The following C2orf15 variants were observed in gnomAD, a reference collection of about 807,000 sequenced individuals.
C2orf15 encodes the protein chromosome 2 open reading frame 15.
C2orf15 carries 3 observed loss-of-function variants against 4.4 expected under a neutral mutation model. That is an observed-to-expected ratio of 0.67 (90% CI 0.31 to 1.74). The LOEUF is 1.74. C2orf15 is among the 40% of genes most tolerant of loss of function. The probability of loss-of-function intolerance (pLI) is 0.09; values close to 1 mark genes in which losing one functional copy is unlikely to be tolerated. For missense variants in C2orf15, 90 were observed against 103.3 expected (o/e 0.87, Z 0.56); for synonymous variants, 37 against 36.8 (o/e 1.00, Z -0.02).
At chr2:99,144,590 G>A (rs912162401) in intron 2 of C2orf15, among the ~76,000 whole-genome samples, 7 of 141,530 alleles carry the variant, frequency 4.9e-5, no homozygotes, top group Non-Finnish European at 9.0e-5. Flanking sequence ...CAGAGGTTGC[G>A]GTAAGCCGAG....
At chr2:99,150,016 A>G (rs533731077) in intron 3 of C2orf15, among the ~76,000 whole-genome samples, 2 of 151,038 alleles carry the variant, frequency 1.3e-5, no homozygotes, top group Non-Finnish European at 3.0e-5. Flanking sequence ...TGGTCTCTCA[A>G]TCCTAACCTT....
At chr2:99,145,211 C>T (rs2093619882) in intron 2 of C2orf15, among the ~76,000 whole-genome samples, 2 of 152,096 alleles carry the variant, frequency 1.3e-5, no homozygotes, top group Admixed American at 6.5e-5. Context: ...CCAGTCAAGT[C>T]CTCCTCACAT....
chr2:99,144,573 C>T (rs973378884), intron 2 of C2orf15, among the ~76,000 whole-genome samples: 4 of 140,982 alleles, frequency 2.8e-5, no homozygotes, highest in African/African-American at 1.0e-4. Context: ...TGCTTGAACC[C>T]GGGAGGCAGA....
At chr2:99,145,987 A>C (rs2093627898) in intron 2 of C2orf15, among the ~76,000 whole-genome samples, 1 of 152,082 alleles carries the variant, frequency 6.6e-6, no homozygotes. Context: ...TGAATTTTAA[A>C]AATTAGCCAG....
At chr2:99,146,509 ATTG>A (rs2093633701) in intron 2 of C2orf15, among the ~76,000 whole-genome samples, 1 of 151,522 alleles carries the variant, frequency 6.6e-6, no homozygotes, top group Admixed American at 6.6e-5. Flanking sequence ...TTCCTCCCTT[ATTG>A]TTTAAGCTTT....
intron 3 of C2orf15, chr2:99,148,317 G>A (rs984101584): frequency 2.0e-5 from 3 of 152,126 alleles, no homozygotes; most frequent in Non-Finnish European, 4.4e-5. Flanking sequence ...TTCCTTTGAT[G>A]AGGAAGAAAA....
At chr2:99,143,025 TC>T (rs1473151171) in intron 2 of C2orf15, among the ~76,000 whole-genome samples, 1 of 152,076 alleles carries the variant, frequency 6.6e-6, no homozygotes, top group Non-Finnish European at 1.5e-5. Context: ...TCCTTTTTTT[TC>T]CTATCAAGAA....
At chr2:99,149,826 C>T (rs1320021819) in intron 3 of C2orf15, among the ~76,000 whole-genome samples, 1 of 101,588 alleles carries the variant, frequency 9.8e-6, no homozygotes, top group Non-Finnish European at 1.9e-5. Context: ...GAGTCTCGCT[C>T]TTGTCGCCCA....
intron 3 of C2orf15, among the ~76,000 whole-genome samples, chr2:99,149,786 T>C (rs11685765): frequency 0.086 from 2,303 of 26,714 alleles, 230 homozygotes; most frequent in Middle Eastern, 0.35. Context: ...CACAAGTATC[T>C]TTTTTTTTTT....
chr2:99,145,419 C>T (rs969464214), intron 2 of C2orf15, among the ~76,000 whole-genome samples: 9 of 152,136 alleles, frequency 5.9e-5, no homozygotes, highest in Admixed American at 4.6e-4. Context: ...ATTAACTGAT[C>T]GTGGTGGCAG....
intron 2 of C2orf15, among the ~76,000 whole-genome samples, chr2:99,144,908 C>A (rs1424170316): frequency 6.6e-6 from 1 of 152,010 alleles, no homozygotes; most frequent in East Asian, 1.9e-4. Context: ...GGTCTGGGGT[C>A]GAATAAGGCA....
At chr2:99,144,969 A>C (rs185157274) in intron 2 of C2orf15, among the ~76,000 whole-genome samples, 4 of 152,328 alleles carry the variant, frequency 2.6e-5, no homozygotes, top group Admixed American at 2.6e-4. Flanking sequence ...ACGGCTGTGC[A>C]ACAATTTACC....
chr2:99,141,994 C>T (rs1025886996), intron 1 of C2orf15, 57 bp downstream of exon 1: 1 of 152,410 alleles, frequency 6.6e-6, no homozygotes, highest in African/African-American at 2.4e-5. Flanking sequence ...TTGGTCAGCT[C>T]TGCACGATCA....
rs2093643852 is a variant in C2orf15, at chr2:99,147,455, T to C, written c.-115T>C. The C allele has an allele frequency of 6.2e-7, 1 of 1,613,802 alleles. No individual in the cohort carries two copies. Among genetic ancestry groups the C allele is most frequent in the African/African-American group, 1.3e-5 (1 of 74,920 alleles). ...CAGTCCAAAGAGGCCCCCAATAGAC[T>C]TGTTCACCCTTCATGTCCTCAACTC... On this transcript the variant is annotated 5_prime_UTR_variant, in exon 3 of 4. Transcript: ENST00000650052.
At chr2:99,147,789 GTATCTATGTATC>G (rs937175559) in intron 3 of C2orf15, among the ~76,000 whole-genome samples, 20 of 107,792 alleles carry the variant, frequency 1.9e-4, no homozygotes, top group Non-Finnish European at 1.2e-4. Flanking sequence ...CTGTCTTTCT[GTATCTATGTATC>G]TATCTATCTA....
At position 99,150,482 on chromosome 2, in the gene C2orf15, G is replaced by A; in HGVS notation, c.-76-1G>A. 4 of 1,352,678 alleles carry A rather than the reference G, an allele frequency of 3.0e-6. No individual in the cohort carries two copies. Among genetic ancestry groups the A allele is most frequent in the Admixed American group, 2.5e-5 (1 of 40,540 alleles). The allele number at this position is 1,352,678 out of a possible 1,614,324, so 83.8% of individuals were successfully genotyped here. ...CTTGTTACTTTTTTTTTTTTTTTCA[G>A]TAATCAAGTTGAAGAAACACTTCCA... On this transcript the variant is annotated splice_acceptor_variant, in intron 3 of 3. Coordinates refer to ENST00000650052, the MANE Select transcript of C2orf15 (RefSeq NM_144706.4). LOFTEE classifies it low-confidence loss of function (5UTR_SPLICE).
At chr2:99,144,195 G>A (rs185361626) in intron 2 of C2orf15, among the ~76,000 whole-genome samples, 4,239 of 151,890 alleles carry the variant, frequency 0.028, 202 homozygotes, top group African/African-American at 0.097. Flanking sequence ...TAATTTTTTT[G>A]TATTTTTAGT....
chr2:99,150,167 C>T (rs1034003358), intron 3 of C2orf15, among the ~76,000 whole-genome samples: 9 of 152,098 alleles, frequency 5.9e-5, no homozygotes, highest in African/African-American at 1.7e-4. Context: ...GGCCTTCAGT[C>T]GTTATTTCTT....
chr2:99,143,364 T>G (rs2093597313), intron 2 of C2orf15, among the ~76,000 whole-genome samples: 1 of 151,904 alleles, frequency 6.6e-6, no homozygotes, highest in Non-Finnish European at 1.5e-5. Flanking sequence ...TTTCACTGTG[T>G]TAGCCAGGAT....
Sources: gnomAD v4.1 joint callset for allele counts (sites outside exome capture counted in the v4.1 genomes callset) on GRCh38, gnomAD v4.1.1 for gene constraint, MANE v1.5 for transcripts, NCBI Gene and HGNC (gene_info 2026-07-23, HGNC 2026-07-21) for gene names.